The following EPHA8 variants were observed in gnomAD, a reference collection of about 807,000 sequenced individuals.
EPHA8 encodes the protein EPH receptor A8.
Under a neutral mutation model 103.6 loss-of-function variants are expected in EPHA8, and 58 were observed. The ratio of observed to expected loss-of-function variants is 0.56; its 90% CI spans 0.45 to 0.70. EPHA8 has a LOEUF of 0.70. Ranked by LOEUF, EPHA8 falls within the 30% of genes least tolerant of loss-of-function variation. The probability of loss-of-function intolerance (pLI) is 0.00; values close to 1 mark genes in which losing one functional copy is unlikely to be tolerated. For missense variants in EPHA8, 1,304 were observed against 1,395.2 expected (o/e 0.93, Z 1.04); for synonymous variants, 559 against 572.5 (o/e 0.98, Z 0.34).
chr1:22,565,756 G>T (rs1188780327), intron 1 of EPHA8, among the ~76,000 whole-genome samples: 2 of 152,200 alleles, frequency 1.3e-5, no homozygotes, highest in Admixed American at 1.3e-4. Context: ...TGAGGAAGAG[G>T]CAAGGTCTAG....
chr1:22,596,683 A>T (rs1345800295), intron 9 of EPHA8, among the ~76,000 whole-genome samples: 2 of 149,450 alleles, frequency 1.3e-5, no homozygotes, highest in African/African-American at 4.9e-5. Context: ...TTTTTCTGAG[A>T]CAGAGTCTCA....
intron 3 of EPHA8, among the ~76,000 whole-genome samples, chr1:22,585,050 T>TGC (rs1553146963): frequency 0.17 from 15,696 of 93,446 alleles, 919 homozygotes; most frequent in South Asian, 0.31. Flanking sequence ...TGTGTGTGTG[T>TGC]GCGCACGCGT....
chr1:22,584,384 G>A (rs189887485), intron 3 of EPHA8, among the ~76,000 whole-genome samples: 69 of 152,308 alleles, frequency 4.5e-4, no homozygotes, highest in Non-Finnish European at 4.4e-5. Flanking sequence ...ACAATGGTGC[G>A]TATTTTCCCC....
chr1:22,571,898 G>A (rs1250045312), intron 2 of EPHA8, among the ~76,000 whole-genome samples: 1 of 152,136 alleles, frequency 6.6e-6, no homozygotes, highest in Non-Finnish European at 1.5e-5. Context: ...TTAGCTGAGA[G>A]TGGTGGTGCA....
intron 13 of EPHA8, among the ~76,000 whole-genome samples, chr1:22,599,622 AAG>A (rs1641622098): frequency 1.3e-5 from 1 of 74,584 alleles, no homozygotes; most frequent in Admixed American, 1.6e-4. Flanking sequence ...AGGGAGGAAG[AAG>A]GGAAGGAAGG....
rs763255096 is a variant in EPHA8 at position 22,601,311 on chromosome 1, C to G, written c.2741C>G (p.Pro914Arg). The G allele has an allele frequency of 6.2e-7, 1 of 1,600,290 alleles. No homozygotes were observed. Among genetic ancestry groups the G allele is most frequent in the African/African-American group, 1.4e-5 (1 of 73,976 alleles). The change falls in exon 16 of 17, where the codon CCT (proline) becomes CGT (arginine). Residue 914 changes from proline to arginine, a missense_variant. By Grantham distance (103) the Pro-to-Arg change is moderately radical. Transcript: ENST00000166244. ...CCCCTGTGCCTCAGGTGCCCACCCC[C>G]TGCCTTCGTCCGGAGCTGCTTTGAC... The part of the protein sequence containing the change: ...ATATVSRCPP[P>R]AFVRSCFDLR...
At chr1:22,579,005 ATG>A (rs199862824) in intron 3 of EPHA8, among the ~76,000 whole-genome samples, 10,682 of 143,220 alleles carry the variant, frequency 0.075, 1,244 homozygotes, top group African/African-American at 0.25. Flanking sequence ...GTGTATATGC[ATG>A]TGTGTGCATA....
chr1:22,585,782 C>T (rs1641185732), intron 3 of EPHA8, among the ~76,000 whole-genome samples: 1 of 152,154 alleles, frequency 6.6e-6, no homozygotes, highest in Non-Finnish European at 1.5e-5. Flanking sequence ...ACAGTGTGGG[C>T]CTGGGAGGGG....
At chr1:22,592,193 C>T (rs1440346959) in intron 5 of EPHA8, among the ~76,000 whole-genome samples, 2 of 152,160 alleles carry the variant, frequency 1.3e-5, no homozygotes, top group Admixed American at 1.3e-4. Flanking sequence ...CTCTCGGACG[C>T]GAACCCCATT....
At position 22,593,392 on chromosome 1, in the gene EPHA8, A is replaced by G. The variant is rs1243010815; in HGVS notation, c.1382A>G (p.Gln461Arg). 3.8e-6 allele frequency: 6 copies of G among 1,587,716 alleles called. No homozygotes were observed. In the African/African-American group the frequency reaches 5.4e-5, roughly 14 times the overall value. Reference sequence around the variant, plus strand: ...CAGACCAGCGTCTCGCTGCTGTGGCAGGAGCCCGAGCAGCCGAACGGCATC... The same window carrying G: ...CAGACCAGCGTCTCGCTGCTGTGGCGGGAGCCCGAGCAGCCGAACGGCATC... ...AGQTSVSLLW[Q>R]EPEQPNGIIL... is the part of the protein sequence containing the mutation. Residue 461 changes from glutamine (Q) to arginine (R), a missense_variant, in exon 6 of 17, where the codon CAG becomes CGG. Coordinates refer to ENST00000166244, the MANE Select transcript of EPHA8 (RefSeq NM_020526.5).
intron 3 of EPHA8, among the ~76,000 whole-genome samples, chr1:22,579,690 G>A (rs1224744752): frequency 6.6e-6 from 1 of 152,182 alleles, no homozygotes; most frequent in East Asian, 1.9e-4. Flanking sequence ...CGGGCACAGT[G>A]AAGCCTGGCT....
In EPHA8 at chr1:22,602,107, G is replaced by C; in HGVS notation, c.*366G>C. ...AAGGTCATGGGATCTCATGTGAACA[G>C]TGTGTGATCAAGTGTGTCCACCCCT... is the stretch of plus-strand genomic sequence containing the variant. On this transcript the variant is annotated 3_prime_UTR_variant, in exon 17 of 17. Transcript: ENST00000166244. 2.8e-6 allele frequency: 1 copy of C among 360,524 alleles called. No individual in the cohort carries two copies. Among genetic ancestry groups the C allele is most frequent in the South Asian group, 3.6e-5 (1 of 27,550 alleles). 22.3% of individuals were successfully genotyped at this position (360,524 alleles called of 1,614,324 possible).
At chr1:22,577,654 C>T (rs1317375621) in intron 3 of EPHA8, among the ~76,000 whole-genome samples, 1 of 152,038 alleles carries the variant, frequency 6.6e-6, no homozygotes, top group Non-Finnish European at 1.5e-5. Context: ...AGAAGAGAGC[C>T]CCTGGGCCAT....
At chr1:22,577,815 T>C (rs1431159097) in intron 3 of EPHA8, among the ~76,000 whole-genome samples, 1 of 147,292 alleles carries the variant, frequency 6.8e-6, no homozygotes, top group Non-Finnish European at 1.5e-5. Context: ...TATGTGTGCA[T>C]GTGTGTGCAT....
intron 16 of EPHA8, 22 bp from the exon 17 acceptor site, chr1:22,601,605 C>T: frequency 1.3e-6 from 2 of 1,583,232 alleles, no homozygotes; most frequent in East Asian, 2.4e-5. Context: ...CCCAGCTGGC[C>T]AGCAGCACCC....
intron 13 of EPHA8, among the ~76,000 whole-genome samples, chr1:22,600,255 G>C (rs1182314626): frequency 6.9e-6 from 1 of 145,788 alleles, no homozygotes; most frequent in African/African-American, 2.5e-5. Context: ...GACAGAAGGA[G>C]GAAGGAAGAA....
chr1:22,593,947 C>A (rs1641447483), intron 7 of EPHA8, among the ~76,000 whole-genome samples: 1 of 152,254 alleles, frequency 6.6e-6, no homozygotes, highest in African/African-American at 2.4e-5. Flanking sequence ...ATTCTCCTGC[C>A]TCTGCCTCCT....
Position 22,576,572 on chromosome 1 carries a change from G to A in EPHA8, c.515G>A (p.Ser172Asn). Residue 172 changes from serine to asparagine, a missense_variant, in exon 3 of 17, where the codon AGT becomes AAT. Physicochemically the swap from Ser to Asn is conservative, Grantham distance 46. Transcript: ENST00000166244. The surrounding 1 kb of genome is among the most constrained non-coding windows in gnomAD (Gnocchi z 4.8). ...RRLKLNTEVR[S>N]VGPLSKRGFY... ...CTCAAGCTCAACACGGAGGTGCGCA[G>A]TGTGGGTCCCCTCAGCAAGCGCGGC... is the stretch of plus-strand genomic sequence containing the variant. 1 of 1,614,188 alleles carries A rather than the reference G, an allele frequency of 6.2e-7. No homozygotes were observed. Among genetic ancestry groups the A allele is most frequent in the East Asian group, 2.2e-5 (1 of 44,884 alleles).
intron 2 of EPHA8, among the ~76,000 whole-genome samples, chr1:22,574,233 C>T (rs1351998440): frequency 6.6e-6 from 1 of 152,216 alleles, no homozygotes; most frequent in Non-Finnish European, 1.5e-5. Flanking sequence ...CCTGCCTCAG[C>T]GTCCCAAAGT....
Sources: gnomAD v4.1 joint callset for allele counts (sites outside exome capture counted in the v4.1 genomes callset) on GRCh38, gnomAD v4.1.1 for gene constraint, Gnocchi (gnomAD v3.1) non-coding constraint, MANE v1.5 for transcripts, NCBI Gene and HGNC (gene_info 2026-07-23, HGNC 2026-07-21) for gene names.